SOX5: variants seen among roughly 807,000 people sequenced by gnomAD.
SOX5 encodes the protein SRY-box transcription factor 5, also known as transcription factor SOX-5.
Under a neutral mutation model 92.0 loss-of-function variants are expected in SOX5, and 9 were observed. That is an observed-to-expected ratio of 0.10 (90% CI 0.06 to 0.17). The LOEUF is 0.17. SOX5 is among the 10% of genes least tolerant of loss of function. The pLI, the probability that SOX5 is intolerant of heterozygous loss-of-function variation, is 1.00. For synonymous variants in SOX5, 344 were observed against 336.3 expected, an observed-to-expected ratio of 1.02 and a Z score of -0.25; for missense variants, 642 against 944.5, an observed-to-expected ratio of 0.68 and a Z score of 4.20.
intron 4 of SOX5, among the ~76,000 whole-genome samples, chr12:24,002,090 T>C (rs990902642): frequency 2.0e-5 from 3 of 152,036 alleles, no homozygotes; most frequent in South Asian, 2.1e-4. Context: ...TTAAGCACTA[T>C]AGTAGAAAAT....
intron 4 of SOX5, among the ~76,000 whole-genome samples, chr12:23,990,277 A>C (rs1296753229): frequency 6.6e-6 from 1 of 152,198 alleles, no homozygotes; most frequent in Non-Finnish European, 1.5e-5. Flanking sequence ...TGGATCACAG[A>C]ATAATGGACT....
intron 8 of SOX5, among the ~76,000 whole-genome samples, chr12:23,633,794 TTA>T (rs1171778859): frequency 1.3e-5 from 2 of 152,190 alleles, no homozygotes; most frequent in African/African-American, 4.8e-5. Context: ...GTTCATATTT[TTA>T]TATATGTCTA....
chr12:23,903,745 C>T (rs537048145), intron 1 of SOX5, among the ~76,000 whole-genome samples: 40 of 152,246 alleles, frequency 2.6e-4, no homozygotes, highest in African/African-American at 9.4e-4. Context: ...ACTATTTGTT[C>T]AGGACATTTA....
At chr12:24,555,439 AC>A (rs1271491948) in intron 1 of SOX5, among the ~76,000 whole-genome samples, 3 of 152,238 alleles carry the variant, frequency 2.0e-5, no homozygotes, top group African/African-American at 2.4e-5. Context: ...GCTTGCATAA[AC>A]AATGCCTTCC....
chr12:24,025,556 T>G (rs1006863579), intron 4 of SOX5, among the ~76,000 whole-genome samples: 1 of 152,046 alleles, frequency 6.6e-6, no homozygotes, highest in Non-Finnish European at 1.5e-5. Context: ...CTTTTAATAT[T>G]CACAGAAGAA....
At chr12:24,272,707 T>C (rs1238174641) in intron 3 of SOX5, among the ~76,000 whole-genome samples, 1 of 152,188 alleles carries the variant, frequency 6.6e-6, no homozygotes, top group Admixed American at 6.5e-5. Flanking sequence ...ACCAACTTGG[T>C]CATAATTTTA....
chr12:24,447,295 C>A (rs867571549), intron 1 of SOX5, among the ~76,000 whole-genome samples: 3 of 152,176 alleles, frequency 2.0e-5, no homozygotes, highest in Non-Finnish European at 4.4e-5. Context: ...GTGATGAAAA[C>A]GGCACTTCAG....
chr12:24,438,429 G>C (rs1414557362), intron 1 of SOX5, among the ~76,000 whole-genome samples: 1 of 151,746 alleles, frequency 6.6e-6, no homozygotes, highest in African/African-American at 2.4e-5. Flanking sequence ...TTAAAGTATA[G>C]TTAAAAAAAA....
At chr12:24,297,767 G>A (rs986664597) in intron 2 of SOX5, among the ~76,000 whole-genome samples, 1 of 152,320 alleles carries the variant, frequency 6.6e-6, no homozygotes, top group African/African-American at 2.4e-5. Context: ...GAAAAGAATT[G>A]TGCAAGGGAA....
chr12:24,094,015 C>T (rs1945007886), intron 4 of SOX5, among the ~76,000 whole-genome samples: 1 of 151,692 alleles, frequency 6.6e-6, no homozygotes, highest in East Asian at 1.9e-4. Context: ...GGTGTGATCT[C>T]GGCTCACTGC....
chr12:23,901,990 C>A (rs1001150657), intron 1 of SOX5, among the ~76,000 whole-genome samples: 9 of 151,928 alleles, frequency 5.9e-5, no homozygotes, highest in African/African-American at 1.9e-4. Flanking sequence ...ATAATGTTTT[C>A]AAAAAACTTG....
chr12:23,674,336 A>ATTTTTTTTTTTTTTTTTTTTTTTT lies in SOX5; in HGVS notation c.811-8773_811-8772insAAAAAAAAAAAAAAAAAAAAAAAA, dbSNP rs34975795. 1.7e-3 allele frequency among the ~76,000 whole-genome samples: 166 copies of ATTTTTTTTTTTTTTTTTTTTTTTT among 97,364 alleles called. 28 individuals carry two copies. Among genetic ancestry groups the ATTTTTTTTTTTTTTTTTTTTTTTT allele is most frequent in the African/African-American group, 6.5e-3 (153 of 23,620 alleles). 63.9% of individuals were successfully genotyped at this position (97,364 alleles called of 152,430 possible). On this transcript the variant is annotated intron_variant, in intron 6 of 14. Coordinates refer to ENST00000451604, the MANE Select transcript of SOX5 (RefSeq NM_006940.6). ...AAATATTTTCTTACCATAAAAAGGA[A>ATTTTTTTTTTTTTTTTTTTTTTTT]TTTTTTTTTTTTTTTTTTGAGACGG...
At chr12:23,747,008 G>C (rs2094007141) in intron 4 of SOX5, among the ~76,000 whole-genome samples, 1 of 152,042 alleles carries the variant, frequency 6.6e-6, no homozygotes, top group African/African-American at 2.4e-5. Context: ...ATGACTGTGA[G>C]GCCTCCACAG....
At chr12:24,233,571 G>A (rs911775217) in intron 3 of SOX5, among the ~76,000 whole-genome samples, 3 of 152,174 alleles carry the variant, frequency 2.0e-5, no homozygotes, top group East Asian at 1.9e-4. Context: ...TTGTGTAAGC[G>A]AACTTTAAGT....
rs1595456875 is a variant in SOX5 at position 23,895,883 on chromosome 12, G to T, written c.180C>A (p.Asn60Lys). The T allele has an allele frequency of 6.2e-7, 1 of 1,614,106 alleles. No individual in the cohort carries two copies. Among genetic ancestry groups the T allele is most frequent in the Non-Finnish European group, 8.5e-7 (1 of 1,179,964 alleles). ...FHLPLHVSFP[N>K]KPHSEEFQPV... Reference sequence around the variant, plus strand: ...GCTGAAATTCCTCAGAGTGAGGCTTGTTGGGAAAACTCACATGCAAGGGAA... The same window carrying T: ...GCTGAAATTCCTCAGAGTGAGGCTTTTTGGGAAAACTCACATGCAAGGGAA... Residue 60 changes from asparagine (N) to lysine (K), a missense_variant, in exon 2 of 15, where the codon AAC becomes AAA. Coordinates refer to ENST00000451604, the MANE Select transcript of SOX5 (RefSeq NM_006940.6).
At chr12:23,851,332 A>C (rs979435174) in intron 2 of SOX5, among the ~76,000 whole-genome samples, 5 of 152,308 alleles carry the variant, frequency 3.3e-5, no homozygotes, top group African/African-American at 9.6e-5. Flanking sequence ...CTACAAATGA[A>C]GTTTGCAATT....
At chr12:24,028,497 A>G (rs993113348) in intron 4 of SOX5, among the ~76,000 whole-genome samples, 6 of 152,028 alleles carry the variant, frequency 3.9e-5, no homozygotes, top group Non-Finnish European at 5.9e-5. Flanking sequence ...GAGATGTCGC[A>G]CCTTCCTTCT....
chr12:23,551,393 T>C (rs1425937070), intron 11 of SOX5, among the ~76,000 whole-genome samples: 1 of 151,864 alleles, frequency 6.6e-6, no homozygotes, highest in African/African-American at 2.4e-5. Flanking sequence ...CTTATTAATA[T>C]CTCAATTTTT....
At chr12:24,552,600 T>A (rs893351810) in intron 1 of SOX5, among the ~76,000 whole-genome samples, 1 of 152,262 alleles carries the variant, frequency 6.6e-6, no homozygotes, top group African/African-American at 2.4e-5. Context: ...GCTTAAGTCA[T>A]AAAATACTTT....
Sources: gnomAD v4.1 joint callset for allele counts (sites outside exome capture counted in the v4.1 genomes callset) on GRCh38, gnomAD v4.1.1 for gene constraint, MANE v1.5 for transcripts, NCBI Gene and HGNC (gene_info 2026-07-23, HGNC 2026-07-21) for gene names.